Variants in ADCY8 observed in about 807,000 individuals in gnomAD.
ADCY8 encodes adenylate cyclase 8, also known as adenylate cyclase type 8.
Under a neutral mutation model 119.7 loss-of-function variants are expected in ADCY8, and 51 were observed. The observed-to-expected ratio is 0.43, with a 90% confidence interval of 0.34 to 0.54. The LOEUF is 0.54. ADCY8 is among the 20% of genes least tolerant of loss of function. ADCY8 has a pLI of 0.03. For synonymous variants in ADCY8, 665 were observed against 651.0 expected, an observed-to-expected ratio of 1.02 and a Z score of -0.33; for missense variants, 1,383 against 1,598.8, an observed-to-expected ratio of 0.87 and a Z score of 2.30.
At chr8:130,952,087 G>C (rs1050217424) in intron 2 of ADCY8, 89 bp from the exon 3 acceptor site, 1 of 1,466,382 alleles carries the variant, frequency 6.8e-7, no homozygotes, top group Non-Finnish European at 9.4e-7. Flanking sequence ...TGGGGCTTTT[G>C]GATGAACTCC....
intron 4 of ADCY8, among the ~76,000 whole-genome samples, chr8:130,942,903 G>T (rs1820998042): frequency 6.6e-6 from 1 of 152,184 alleles, no homozygotes; most frequent in African/African-American, 2.4e-5. Context: ...CTTAAGTTAG[G>T]TTGATCAAGA....
intron 5 of ADCY8, among the ~76,000 whole-genome samples, chr8:130,927,034 G>T (rs536414324): frequency 2.6e-5 from 4 of 151,340 alleles, no homozygotes. Flanking sequence ...CTTGGCTATG[G>T]TAAATAATGC....
At chr8:130,823,421 C>T (rs1318388006) in intron 12 of ADCY8, among the ~76,000 whole-genome samples, 1 of 152,046 alleles carries the variant, frequency 6.6e-6, no homozygotes, top group Non-Finnish European at 1.5e-5. Flanking sequence ...CCAAAGAGAG[C>T]CAAATGACTG....
intron 8 of ADCY8, among the ~76,000 whole-genome samples, chr8:130,876,901 A>C (rs1041104057): frequency 6.6e-6 from 1 of 152,160 alleles, no homozygotes; most frequent in Non-Finnish European, 1.5e-5. Flanking sequence ...GGATTTTTCA[A>C]GGTGTGGCAG....
chr8:130,848,378 A>G (rs542324388), intron 10 of ADCY8, among the ~76,000 whole-genome samples: 2 of 152,370 alleles, frequency 1.3e-5, no homozygotes, highest in African/African-American at 4.8e-5. Context: ...GCCTGTGATC[A>G]ATTGATCCCA....
chr8:130,886,223 A>G (rs1264714987), intron 7 of ADCY8, among the ~76,000 whole-genome samples: 3 of 152,144 alleles, frequency 2.0e-5, no homozygotes, highest in Admixed American at 6.6e-5. Context: ...CCAGCCCTAG[A>G]ATAAAGAATA....
intron 11 of ADCY8, among the ~76,000 whole-genome samples, chr8:130,846,255 C>A (rs1391584512): frequency 2.0e-5 from 3 of 152,084 alleles, no homozygotes; most frequent in African/African-American, 7.2e-5. Flanking sequence ...AACTGTTCTA[C>A]TTTATGACCC....
At chr8:130,835,102 A>G (rs1388724582) in intron 12 of ADCY8, among the ~76,000 whole-genome samples, 1 of 152,224 alleles carries the variant, frequency 6.6e-6, no homozygotes, top group East Asian at 1.9e-4. Flanking sequence ...TCTTGGCCTT[A>G]TTCTTTTCCT....
At chr8:130,868,240 C>A (rs964151479) in intron 8 of ADCY8, among the ~76,000 whole-genome samples, 1 of 152,114 alleles carries the variant, frequency 6.6e-6, no homozygotes, top group Non-Finnish European at 1.5e-5. Context: ...ATATATGCAG[C>A]AAATCAAATT....
At chr8:130,886,867 A>G (rs1819003577) in intron 7 of ADCY8, among the ~76,000 whole-genome samples, 1 of 152,148 alleles carries the variant, frequency 6.6e-6, no homozygotes, top group Non-Finnish European at 1.5e-5. Flanking sequence ...GATTTCACAG[A>G]GGAGAGAAGT....
chr8:130,794,578 G>T (rs1815522997), intron 15 of ADCY8, among the ~76,000 whole-genome samples: 1 of 152,186 alleles, frequency 6.6e-6, no homozygotes, highest in Non-Finnish European at 1.5e-5. Context: ...GTGGTACTTT[G>T]TTACAGCCAC....
chr8:130,958,396 C>T (rs1261377373), intron 2 of ADCY8, among the ~76,000 whole-genome samples: 1 of 152,074 alleles, frequency 6.6e-6, no homozygotes, highest in Non-Finnish European at 1.5e-5. Context: ...CCCTTATGCC[C>T]ATATCTCAGT....
chr8:130,849,691 A>T lies in ADCY8; in HGVS notation c.2323T>A (p.Cys775Ser). The change falls in exon 10 of 18, where the codon TGC (cysteine) becomes AGC (serine). Residue 775 changes from cysteine to serine, a missense_variant. By Grantham distance (112) the Cys-to-Ser change is moderately radical. Transcript: ENST00000286355. ...KCLPLILRKTCCWINETYLAR... is the reference protein window; with the variant it reads ...KCLPLILRKTSCWINETYLAR... ...AAATAGGTCTCATTAATCCAACAGC[A>T]AGTTTTCCGGAGGATGAGGGGCAAA... 1 of 1,614,044 alleles carries T rather than the reference A, an allele frequency of 6.2e-7. No homozygotes were observed. The highest frequency in any genetic ancestry group is 8.5e-7 in the Non-Finnish European group (1 of 1,179,938).
chr8:130,944,000 A>C (rs1052518641), intron 3 of ADCY8, among the ~76,000 whole-genome samples: 1 of 152,176 alleles, frequency 6.6e-6, no homozygotes, highest in Non-Finnish European at 1.5e-5. Context: ...CAGAATAATT[A>C]ATTTCCCAAT....
At chr8:130,880,226 T>G (rs561785345) in intron 8 of ADCY8, among the ~76,000 whole-genome samples, 1 of 152,276 alleles carries the variant, frequency 6.6e-6, no homozygotes, top group East Asian at 1.9e-4. Flanking sequence ...AATACGGTTG[T>G]GTACATAAGT....
At chr8:130,977,284 C>A (rs916250583) in intron 2 of ADCY8, among the ~76,000 whole-genome samples, 2 of 152,220 alleles carry the variant, frequency 1.3e-5, no homozygotes, top group African/African-American at 2.4e-5. Flanking sequence ...ATCAATCCAA[C>A]CTTTCTTACT....
At chr8:130,848,562 A>C (rs1380424025) in intron 10 of ADCY8, among the ~76,000 whole-genome samples, 4 of 152,200 alleles carry the variant, frequency 2.6e-5, no homozygotes, top group Non-Finnish European at 4.4e-5. Flanking sequence ...GATTTCAGGC[A>C]GTCTAGGGCT....
intron 1 of ADCY8, among the ~76,000 whole-genome samples, chr8:131,005,839 T>G (rs1267334310): frequency 6.6e-6 from 1 of 152,206 alleles, no homozygotes; most frequent in Non-Finnish European, 1.5e-5. Flanking sequence ...AGCTAGTCCA[T>G]GGGTGCTTCA....
At chr8:130,794,513 G>A (rs1367947007) in intron 15 of ADCY8, among the ~76,000 whole-genome samples, 1 of 152,172 alleles carries the variant, frequency 6.6e-6, no homozygotes, top group Non-Finnish European at 1.5e-5. Flanking sequence ...CAAGGTGCTG[G>A]GATTAAGGCA....
Sources: gnomAD v4.1 joint callset for allele counts (sites outside exome capture counted in the v4.1 genomes callset) on GRCh38, gnomAD v4.1.1 for gene constraint, MANE v1.5 for transcripts, NCBI Gene and HGNC (gene_info 2026-07-23, HGNC 2026-07-21) for gene names.